Variants in LHX9 observed in about 807,000 individuals in gnomAD.
The protein encoded by LHX9 is LIM/homeobox protein Lhx9.
Under a neutral mutation model 36.5 loss-of-function variants are expected in LHX9, and 9 were observed. The observed-to-expected ratio is 0.25, with a 90% confidence interval of 0.15 to 0.43. The LOEUF is 0.43. Among genes scored for constraint, LHX9 ranks in the 20% least tolerant of loss-of-function variants. The pLI is 1.00. For synonymous variants in LHX9, 211 were observed against 212.1 expected, an observed-to-expected ratio of 0.99 and a Z score of 0.04; for missense variants, 464 against 526.4, an observed-to-expected ratio of 0.88 and a Z score of 1.16.
In LHX9 at chr1:197,921,717, G is replaced by T; in HGVS notation, c.733+58G>T. ...CCGGCCTCCCTGAGGAAAATTCGTA[G>T]AGCTCCTTCCCCGTCCAAAGTCTTG... is the stretch of plus-strand genomic sequence containing the variant. On this transcript the variant is annotated intron_variant, in intron 3 of 4. Coordinates refer to ENST00000367387, the MANE Select transcript of LHX9 (RefSeq NM_020204.3). This position sits in a 1 kb window ranked among gnomAD's most constrained non-coding sequence, Gnocchi z 4.6. The T allele has an allele frequency of 7.2e-7, 1 of 1,386,404 alleles. No homozygotes were observed. Among genetic ancestry groups the T allele is most frequent in the Non-Finnish European group, 9.7e-7 (1 of 1,033,202 alleles). 85.9% of individuals were successfully genotyped at this position (1,386,404 alleles called of 1,614,324 possible).
At chr1:197,918,335 C>A (rs1439873035) in intron 1 of LHX9, 1 of 717,356 alleles carries the variant, frequency 1.4e-6, no homozygotes, top group Non-Finnish European at 2.6e-6. Flanking sequence ...CGGCGAGGAT[C>A]CGCAGCTCCG....
rs1660180895 is a variant in LHX9 at position 197,927,583 on chromosome 1, T to C, written c.734-8T>C. ...TGAGCAGTTGTTTGTTCACTGTTACTGCAACAGGTTGTAATGAGAATGAGG... is the reference window on the plus strand; with the variant it reads ...TGAGCAGTTGTTTGTTCACTGTTACCGCAACAGGTTGTAATGAGAATGAGG... On this transcript the variant is annotated splice_polypyrimidine_tract_variant and splice_region_variant and intron_variant, in intron 3 of 4. Transcript: ENST00000367387. The C allele has an allele frequency of 6.2e-7, 1 of 1,613,712 alleles. No homozygotes were observed. Among genetic ancestry groups the C allele is most frequent in the Non-Finnish European group, 8.5e-7 (1 of 1,179,580 alleles).
Position 197,927,668 on chromosome 1 carries a change from C to T in LHX9, c.811C>T (p.Arg271Ter). ...ACCCTCGCAGAAGACCAAGCGCATG[C>T]GAACCTCTTTCAAGCATCACCAGCT... Reference protein sequence around the residue: ...YPPSQKTKRMRTSFKHHQLRT... With the variant: ...YPPSQKTKRM The change falls in exon 4 of 5, where the codon CGA becomes TGA. Residue 271 changes from arginine to a stop codon, truncating the protein, a stop_gained. Coordinates refer to ENST00000367387, the MANE Select transcript of LHX9 (RefSeq NM_020204.3). LOFTEE classifies it high-confidence loss of function. 6.2e-7 allele frequency: 1 copy of T among 1,614,138 alleles called. No homozygotes were observed. The highest frequency in any genetic ancestry group is 8.5e-7 in the Non-Finnish European group (1 of 1,180,012).
rs768603459 is a variant in LHX9 at position 197,921,590 on chromosome 1, G to A, written c.664G>A (p.Val222Met). Residue 222 changes from valine to methionine, a missense_variant, in exon 3 of 5, where the codon GTG becomes ATG. By Grantham distance (21) the Val-to-Met change is conservative. Around this residue, in one of 5 missense-constraint regions of LHX9, gnomAD observed 130 missense variants for 109.6 expected, o/e 1.19. Coordinates refer to ENST00000367387, the MANE Select transcript of LHX9 (RefSeq NM_020204.3). This position sits in a 1 kb window ranked among gnomAD's most constrained non-coding sequence, Gnocchi z 4.6. ...ALPYFNGTGT[V>M]QKGRPRKRKS... Reference sequence around the variant, plus strand: ...GCCTTACTTCAACGGTACGGGCACCGTGCAGAAAGGGCGGCCCCGGAAGCG... The same window carrying A: ...GCCTTACTTCAACGGTACGGGCACCATGCAGAAAGGGCGGCCCCGGAAGCG... 34 of 1,609,826 alleles carry A rather than the reference G, an allele frequency of 2.1e-5. No individual in the cohort carries two copies. The highest frequency in any genetic ancestry group is 2.0e-4 in the Admixed American group (12 of 59,986).
At position 197,927,649 on chromosome 1, in the gene LHX9, G is replaced by A. The variant is rs763319308; in HGVS notation, c.792G>A (p.Ser264=). ...GGGACCAGCAGCCTTATCCACCCTC[G>A]CAGAAGACCAAGCGCATGCGAACCT... ...LDRDQQPYPP[S]QKTKRMRTSF... is the part of the protein sequence containing the mutation. The change falls in exon 4 of 5, where the codon TCG becomes TCA. Residue 264 remains serine (S), a synonymous_variant. Coordinates refer to ENST00000367387, the MANE Select transcript of LHX9 (RefSeq NM_020204.3). The A allele has an allele frequency of 1.8e-5, 29 of 1,613,982 alleles. No homozygotes were observed. Among genetic ancestry groups the A allele is most frequent in the Non-Finnish European group, 2.4e-5 (28 of 1,180,032 alleles).
Position 197,917,991 on chromosome 1 carries a change from C to A in LHX9, c.168C>A (p.Arg56=). 6.2e-7 allele frequency: 1 copy of A among 1,612,866 alleles called. No homozygotes were observed. The highest frequency in any genetic ancestry group is 8.5e-7 in the Non-Finnish European group (1 of 1,179,438). Residue 56 remains arginine (R), a synonymous_variant, in exon 1 of 5, where the codon CGC becomes CGA. Transcript: ENST00000367387. The part of the protein sequence containing the change: ...RLAKGAQLNG[R]DAGMPPLSPE... ...CCAAAGGCGCCCAGCTCAACGGCCG[C>A]GACGCGGTAAGGAAGGGCTCCGCCG...
intron 3 of LHX9, among the ~76,000 whole-genome samples, chr1:197,926,797 T>A (rs1161936893): frequency 6.6e-6 from 1 of 152,178 alleles, no homozygotes; most frequent in Non-Finnish European, 1.5e-5. Flanking sequence ...GTGAACCGTG[T>A]GAAGGGAAGT....
rs1660422244 is a variant in LHX9, at chr1:197,935,209, C to T, written c.*5950C>T. On this transcript the variant is annotated 3_prime_UTR_variant, in exon 5 of 5. Transcript: ENST00000367387. ...TATCATATCAATAAGTTTCTCTTCCCTTGGATTAATTTTTGCTTCTTTGCA... is the reference window on the plus strand; with the variant it reads ...TATCATATCAATAAGTTTCTCTTCCTTTGGATTAATTTTTGCTTCTTTGCA... The T allele has an allele frequency of 6.6e-6, 1 of 152,124 alleles. No homozygotes were observed. Among genetic ancestry groups the T allele is most frequent in the African/African-American group, 2.4e-5 (1 of 41,436 alleles). 9.4% of individuals were successfully genotyped at this position (152,124 alleles called of 1,614,324 possible). A position where few individuals can be genotyped will look rare whatever the true frequency, so the allele number is the denominator to read the frequency against.
Position 197,929,196 on chromosome 1 carries a change from C to T in LHX9, c.1131C>T (p.Thr377=), listed in dbSNP as rs1660248153. 3.1e-6 allele frequency: 5 copies of T among 1,588,316 alleles called. No individual in the cohort carries two copies. Among genetic ancestry groups the T allele is most frequent in the Non-Finnish European group, 4.3e-6 (5 of 1,167,410 alleles). Residue 377 remains threonine, a synonymous_variant, in exon 5 of 5, where the codon ACC becomes ACT. Coordinates refer to ENST00000367387, the MANE Select transcript of LHX9 (RefSeq NM_020204.3). ...NPTITVVTSV[T]SNMDSHESGS... is the part of the protein sequence containing the mutation. ...CTATCACTGTAGTGACATCCGTGAC[C>T]TCTAACATGGACAGCCACGAATCCG...
intron 3 of LHX9, among the ~76,000 whole-genome samples, chr1:197,926,686 T>G (rs754589637): frequency 1.8e-4 from 27 of 152,122 alleles, no homozygotes; most frequent in Non-Finnish European, 2.6e-4. Context: ...ACAGCTCACA[T>G]CCCACTCACA....
rs192285057 is a variant in LHX9 at position 197,933,628 on chromosome 1, A to C, written c.*4369A>C. On this transcript the variant is annotated 3_prime_UTR_variant, in exon 5 of 5. Coordinates refer to ENST00000367387, the MANE Select transcript of LHX9 (RefSeq NM_020204.3). ...CTTCGCCTGGTTTTACAGACCTTTA[A>C]ATATTTGTCTGGTATGTGAAATGCA... 7 of 152,158 alleles carry C rather than the reference A, an allele frequency of 4.6e-5. No individual in the cohort carries two copies. Among genetic ancestry groups the C allele is most frequent in the Non-Finnish European group, 8.8e-5 (6 of 67,984 alleles). The allele number at this position is 152,158 out of a possible 1,614,324, so 9.4% of individuals were successfully genotyped here.
intron 2 of LHX9, among the ~76,000 whole-genome samples, chr1:197,920,470 C>T (rs1023288229): frequency 6.6e-5 from 10 of 152,096 alleles, no homozygotes; most frequent in Non-Finnish European, 1.3e-4. Context: ...AGTAAATGGA[C>T]GTGGTCTCCG....
upstream of LHX9, chr1:197,912,646 C>T (rs1659653561): frequency 1.5e-6 from 2 of 1,369,864 alleles, no homozygotes; most frequent in Non-Finnish European, 2.1e-6. Flanking sequence ...TGTGTGTGCG[C>T]CTTCGTTGGG....
In LHX9 at chr1:197,921,689, G is replaced by A. The variant is rs760191468; in HGVS notation, c.733+30G>A. 6.6e-7 allele frequency: 1 copy of A among 1,507,426 alleles called. No homozygotes were observed. Among genetic ancestry groups the A allele is most frequent in the Non-Finnish European group, 8.9e-7 (1 of 1,128,148 alleles). The allele number at this position is 1,507,426 out of a possible 1,614,324, so 93.4% of individuals were successfully genotyped here. A position where few individuals can be genotyped will look rare whatever the true frequency, so the allele number is the denominator to read the frequency against. ...GCCTCCTATCCTCACCCCCGGCGCA[G>A]CCCCGGCCTCCCTGAGGAAAATTCG... On this transcript the variant is annotated intron_variant, in intron 3 of 4. Coordinates refer to ENST00000367387, the MANE Select transcript of LHX9 (RefSeq NM_020204.3). This position sits in a 1 kb window ranked among gnomAD's most constrained non-coding sequence, Gnocchi z 4.6.
At chr1:197,928,176 C>A (rs1660202415) in intron 4 of LHX9, among the ~76,000 whole-genome samples, 1 of 152,218 alleles carries the variant, frequency 6.6e-6, no homozygotes, top group Non-Finnish European at 1.5e-5. Context: ...CTTAACTCGG[C>A]AAACTTTTGG....
intron 3 of LHX9, among the ~76,000 whole-genome samples, chr1:197,922,352 G>A (rs1355162975): frequency 6.6e-6 from 1 of 152,196 alleles, no homozygotes; most frequent in Non-Finnish European, 1.5e-5. Context: ...AAGAGGCTTA[G>A]TGGTATCTCA....
chr1:197,919,928 A>G, intron 1 of LHX9, 44 bp from the exon 2 acceptor site: 4 of 1,599,652 alleles, frequency 2.5e-6, no homozygotes, highest in Non-Finnish European at 3.4e-6. Flanking sequence ...TCGTGCGGCT[A>G]CACCGCGCGC....
chr1:197,930,827 T>C lies in LHX9; in HGVS notation c.*1568T>C, dbSNP rs568608339. ...ACACTGTAACAGAAGAAAGGTGTGA[T>C]TGCCATTATATATTTAGCAAGTATG... On this transcript the variant is annotated 3_prime_UTR_variant, in exon 5 of 5. Transcript: ENST00000367387. 6.6e-6 allele frequency: 1 copy of C among 152,024 alleles called. No individual in the cohort carries two copies. The highest frequency in any genetic ancestry group is 2.4e-5 in the African/African-American group (1 of 41,450). 9.4% of individuals were successfully genotyped at this position (152,024 alleles called of 1,614,324 possible). A position where few individuals can be genotyped will look rare whatever the true frequency, so the allele number is the denominator to read the frequency against.
chr1:197,925,885 T>C (rs201326353), intron 3 of LHX9, among the ~76,000 whole-genome samples: 2 of 152,246 alleles, frequency 1.3e-5, no homozygotes, highest in African/African-American at 2.4e-5. Context: ...AACATCTTGA[T>C]TGAATGCTTC....
Sources: allele counts gnomAD v4.1 joint callset (sites outside exome capture counted in the v4.1 genomes callset), GRCh38; gene constraint gnomAD v4.1.1; regional missense constraint gnomAD v4.1.1; non-coding constraint Gnocchi (gnomAD v3.1); transcripts MANE v1.5; gene names NCBI Gene and HGNC (gene_info 2026-07-23, HGNC 2026-07-21).